The following WDPCP variants were observed in gnomAD, a reference collection of about 807,000 sequenced individuals.
The protein encoded by WDPCP is WD repeat-containing and planar cell polarity effector protein fritz homolog.
Under a neutral mutation model 93.1 loss-of-function variants are expected in WDPCP, and 71 were observed. That is an observed-to-expected ratio of 0.76 (90% CI 0.63 to 0.93). The LOEUF (loss-of-function observed/expected upper bound fraction) is 0.93, where lower values mean the gene tolerates loss of function less well. Among genes scored for constraint, WDPCP ranks in the 40% least tolerant of loss-of-function variants. WDPCP has a pLI of 0.00. For synonymous variants in WDPCP, 315 were observed against 315.0 expected, an observed-to-expected ratio of 1.00 and a Z score of 0.00; for missense variants, 844 against 887.4, an observed-to-expected ratio of 0.95 and a Z score of 0.62.
chr2:63,138,948 G>A (rs139166370), intron 17 of WDPCP, among the ~76,000 whole-genome samples: 49 of 151,894 alleles, frequency 3.2e-4, no homozygotes, highest in African/African-American at 1.1e-3. Flanking sequence ...GAGAACATAC[G>A]ATGTTTGGTT....
At chr2:63,807,461 C>T (rs1670785341) in intron 2 of WDPCP, among the ~76,000 whole-genome samples, 1 of 152,184 alleles carries the variant, frequency 6.6e-6, no homozygotes, top group African/African-American at 2.4e-5. Flanking sequence ...AAGCTTCTGG[C>T]CCTTACCAGA....
At chr2:63,623,585 AAAG>A (rs1382331283) in intron 3 of WDPCP, among the ~76,000 whole-genome samples, 2 of 152,218 alleles carry the variant, frequency 1.3e-5, no homozygotes, top group Non-Finnish European at 2.9e-5. Flanking sequence ...CAAAAAAGAC[AAAG>A]AAGAACATTA....
At position 63,643,677 on chromosome 2, in the gene WDPCP, C is replaced by T. The variant is rs112933618; in HGVS notation, n.488+6982G>A. On this transcript the variant is annotated intron_variant and non_coding_transcript_variant, in intron 3 of 4. Transcript: ENST00000467687. ...CCACAAAGATTTTTCTCACTTTGCA[C>T]AACTTGTACTTAGCCTCCTCAGATG... 1.6e-4 allele frequency: 74 copies of T among 471,668 alleles called. 1 individual carries two copies. Among genetic ancestry groups the T allele is most frequent in the African/African-American group, 1.1e-3 (53 of 50,146 alleles). The allele number at this position is 471,668 out of a possible 1,614,324, so 29.2% of individuals were successfully genotyped here.
intron 9 of WDPCP, among the ~76,000 whole-genome samples, chr2:63,410,985 C>A (rs754679310): frequency 6.6e-6 from 1 of 152,058 alleles, no homozygotes; most frequent in Non-Finnish European, 1.5e-5. Context: ...GACAGGTCAT[C>A]AAGACAGAAA....
At chr2:63,135,290 T>G (rs967037417) in intron 17 of WDPCP, among the ~76,000 whole-genome samples, 1 of 152,234 alleles carries the variant, frequency 6.6e-6, no homozygotes, top group South Asian at 2.1e-4. Flanking sequence ...TCAGAACATA[T>G]TTTTGTTTTC....
intron 2 of WDPCP, among the ~76,000 whole-genome samples, chr2:63,732,534 T>C (rs906739939): frequency 6.6e-6 from 1 of 152,290 alleles, no homozygotes; most frequent in East Asian, 1.9e-4. Context: ...AAAGGAGATA[T>C]ATACTTATTA....
intron 13 of WDPCP, among the ~76,000 whole-genome samples, chr2:63,305,801 C>T (rs1485114640): frequency 1.3e-5 from 2 of 151,362 alleles, no homozygotes; most frequent in Admixed American, 6.6e-5. Flanking sequence ...AAGCTAAGAA[C>T]CTTGAAAAAA....
At chr2:63,124,528 A>G (rs1669761686) in intron 17 of WDPCP, among the ~76,000 whole-genome samples, 1 of 152,194 alleles carries the variant, frequency 6.6e-6, no homozygotes. Flanking sequence ...TAAATTCAGC[A>G]GACAAGTTAA....
At chr2:63,806,022 G>A (rs1471397954) in intron 2 of WDPCP, among the ~76,000 whole-genome samples, 1 of 152,148 alleles carries the variant, frequency 6.6e-6, no homozygotes, top group Non-Finnish European at 1.5e-5. Flanking sequence ...CCTGAGGTGA[G>A]AGAATCACTT....
At position 63,354,739 on chromosome 2, in the gene WDPCP, T is replaced by C. The variant is rs75439565; in HGVS notation, c.1748+23647A>G. On this transcript the variant is annotated intron_variant, in intron 12 of 17. Coordinates refer to ENST00000272321, the MANE Select transcript of WDPCP (RefSeq NM_015910.7). ...ATGTGTGTGTGTGTGTGTGTGTGTA[T>C]ATGTATATAAAACCTAACAGGTCTG... Among the ~76,000 whole-genome samples, 1,224 of 152,084 alleles carry C rather than the reference T, an allele frequency of 8.0e-3. 4 individuals carry two copies. The highest frequency in any genetic ancestry group is 0.013 in the Non-Finnish European group (895 of 67,976).
chr2:63,123,832 G>GT (rs1669709720), intron 17 of WDPCP, among the ~76,000 whole-genome samples: 2 of 148,984 alleles, frequency 1.3e-5, no homozygotes, highest in Non-Finnish European at 3.0e-5. Flanking sequence ...TTTTCTCCAC[G>GT]TTTTATTTAT....
At position 63,559,242 on chromosome 2, in the gene WDPCP, A is replaced by T. The variant is rs1286785136; in HGVS notation, c.75+28955T>A. On this transcript the variant is annotated intron_variant, in intron 1 of 17. Coordinates refer to ENST00000272321, the MANE Select transcript of WDPCP (RefSeq NM_015910.7). ...AATTCAACATCCCTTCATGTTAAAA[A>T]CTCTCAATAAACTAGGTATTGATGG... Among the ~76,000 whole-genome samples the T allele has an allele frequency of 6.6e-5, 10 of 152,166 alleles. No individual in the cohort carries two copies. In the East Asian group the frequency reaches 1.9e-3, roughly 29 times the overall value.
intron 2 of WDPCP, among the ~76,000 whole-genome samples, chr2:63,797,537 G>A (rs1366487858): frequency 1.3e-5 from 2 of 151,312 alleles, no homozygotes; most frequent in South Asian, 4.2e-4. Context: ...GCCACTCTCT[G>A]TCTTTTGATT....
chr2:63,575,290 A>G (rs937161922), intron 1 of WDPCP, among the ~76,000 whole-genome samples: 1 of 148,164 alleles, frequency 6.7e-6, no homozygotes, highest in Non-Finnish European at 1.5e-5. Flanking sequence ...ATACACATAT[A>G]TAGTATGTAT....
chr2:63,817,291 G>T (rs537255566), intron 1 of WDPCP, among the ~76,000 whole-genome samples: 13 of 152,200 alleles, frequency 8.5e-5, no homozygotes, highest in African/African-American at 2.9e-4. Flanking sequence ...TGTCTTTTTA[G>T]TAGAGATGGG....
At chr2:63,834,140 C>G in the WDPCP span, among the ~76,000 whole-genome samples, 3 of 152,142 alleles carry the variant, frequency 2.0e-5, no homozygotes, top group Non-Finnish European at 2.9e-5. Flanking sequence ...CCATTTGTGA[C>G]TTTATCTGGT....
intron 2 of WDPCP, among the ~76,000 whole-genome samples, chr2:63,718,391 C>T (rs554607010): frequency 6.6e-6 from 1 of 152,114 alleles, no homozygotes; most frequent in Admixed American, 6.5e-5. Flanking sequence ...ATAAGTCTTC[C>T]ATTTTCTCCA....
At chr2:63,219,655 G>A (rs1022107580) in intron 14 of WDPCP, among the ~76,000 whole-genome samples, 5 of 152,100 alleles carry the variant, frequency 3.3e-5, no homozygotes, top group South Asian at 2.1e-4. Context: ...AAATTCTAAT[G>A]TGAATGAATT....
At chr2:63,530,933 C>T (rs148141324) in intron 1 of WDPCP, among the ~76,000 whole-genome samples, 25 of 152,352 alleles carry the variant, frequency 1.6e-4, no homozygotes, top group Non-Finnish European at 3.2e-4. Flanking sequence ...AATTCCCTTT[C>T]CTAGCCAAGC....
Sources: gnomAD v4.1 joint callset for allele counts (sites outside exome capture counted in the v4.1 genomes callset) on GRCh38, gnomAD v4.1.1 for gene constraint, MANE v1.5 for transcripts, NCBI Gene and HGNC (gene_info 2026-07-23, HGNC 2026-07-21) for gene names.